The following THSD4 variants were observed in gnomAD, a reference collection of about 807,000 sequenced individuals.
The protein encoded by THSD4 is thrombospondin type 1 domain containing 4.
THSD4 carries 69 observed loss-of-function variants against 119.0 expected under a neutral mutation model. That is an observed-to-expected ratio of 0.58 (90% CI 0.48 to 0.71). The LOEUF (loss-of-function observed/expected upper bound fraction) is 0.71. THSD4 is among the 30% of genes least tolerant of loss of function. THSD4 has a pLI of 0.00. For synonymous variants in THSD4, 524 were observed against 540.4 expected, an observed-to-expected ratio of 0.97 and a Z score of 0.42; for missense variants, 1,393 against 1,391.1, an observed-to-expected ratio of 1.00 and a Z score of -0.02.
chr15:71,215,268 G>A lies in THSD4; in HGVS notation c.333G>A (p.Ser111=). 6.6e-7 allele frequency: 1 copy of A among 1,508,408 alleles called. No homozygotes were observed. Among genetic ancestry groups the A allele is most frequent in the Non-Finnish European group, 8.8e-7 (1 of 1,134,570 alleles). 93.4% of individuals were successfully genotyped at this position (1,508,408 alleles called of 1,614,324 possible). Residue 111 remains serine, a synonymous_variant, in exon 4 of 18, where the codon TCG becomes TCA. Transcript: ENST00000261862. The part of the protein sequence containing the change: ...ADHVVSAVRT[S]VPLHRSRDET... The stretch of plus-strand genomic sequence containing the variant: ...ACGTGGTGTCGGCGGTGCGCACGTC[G>A]GTGCCACTGCACCGGAGCCGCGACG...
intron 6 of THSD4, among the ~76,000 whole-genome samples, chr15:71,394,393 C>T (rs2046417668): frequency 6.6e-6 from 1 of 151,838 alleles, no homozygotes; most frequent in African/African-American, 2.4e-5. Flanking sequence ...CTGCCTCAGC[C>T]TCCTGAGTAG....
At chr15:71,719,617 A>G (rs2052674781) in intron 8 of THSD4, among the ~76,000 whole-genome samples, 1 of 152,220 alleles carries the variant, frequency 6.6e-6, no homozygotes, top group African/African-American at 2.4e-5. Context: ...AGTGTTTTAA[A>G]CTCATAAAAT....
chr15:71,327,634 A>AC (rs1159186720), intron 6 of THSD4, among the ~76,000 whole-genome samples: 1 of 149,606 alleles, frequency 6.7e-6, no homozygotes, highest in South Asian at 2.1e-4. Flanking sequence ...CCTTCTTGTC[A>AC]CCCCCCACCC....
chr15:71,476,481 A>T (rs530663398), intron 7 of THSD4, among the ~76,000 whole-genome samples: 2 of 152,104 alleles, frequency 1.3e-5, no homozygotes, highest in Non-Finnish European at 2.9e-5. Flanking sequence ...ACCTCAAGTG[A>T]TCCACCCACC....
intron 7 of THSD4, among the ~76,000 whole-genome samples, chr15:71,536,195 A>G (rs867497541): frequency 2.0e-5 from 3 of 152,334 alleles, no homozygotes; most frequent in South Asian, 4.1e-4. Flanking sequence ...CTAGACTGCC[A>G]TCAAGGTGTT....
chr15:71,245,535 A>G (rs1436148832), intron 5 of THSD4, among the ~76,000 whole-genome samples: 2 of 152,224 alleles, frequency 1.3e-5, no homozygotes, highest in Non-Finnish European at 2.9e-5. Context: ...AAATCACTAA[A>G]GGAAAGGCTC....
intron 14 of THSD4, among the ~76,000 whole-genome samples, chr15:71,752,386 T>C (rs1449306795): frequency 6.6e-6 from 1 of 152,254 alleles, no homozygotes; most frequent in Non-Finnish European, 1.5e-5. Context: ...AAATTATAAA[T>C]AGAGCAAAGA....
chr15:71,246,382 A>G (rs1186006202), intron 5 of THSD4, among the ~76,000 whole-genome samples: 1 of 152,188 alleles, frequency 6.6e-6, no homozygotes, highest in African/African-American at 2.4e-5. Context: ...TGAAATGATC[A>G]GACTTGCTCA....
chr15:71,656,410 G>C (rs2051194224), intron 7 of THSD4, among the ~76,000 whole-genome samples: 1 of 152,090 alleles, frequency 6.6e-6, no homozygotes, highest in Non-Finnish European at 1.5e-5. Flanking sequence ...TAATGCAACA[G>C]GAAGATGGGC....
At chr15:71,492,831 G>T (rs2047942729) in intron 7 of THSD4, among the ~76,000 whole-genome samples, 1 of 151,768 alleles carries the variant, frequency 6.6e-6, no homozygotes. Flanking sequence ...GAATCGATTT[G>T]CTTGTGGTGA....
intron 3 of THSD4, among the ~76,000 whole-genome samples, chr15:71,191,988 C>T (rs542009739): frequency 2.0e-5 from 3 of 151,896 alleles, no homozygotes; most frequent in African/African-American, 7.3e-5. Flanking sequence ...CTGCAACCTC[C>T]GCCTCCCAGG....
At chr15:71,743,716 C>T (rs755500367) in intron 11 of THSD4, among the ~76,000 whole-genome samples, 6 of 152,182 alleles carry the variant, frequency 3.9e-5, no homozygotes, top group African/African-American at 9.7e-5. Context: ...AACAAATGAT[C>T]GTTTCAGATT....
chr15:71,421,679 T>C (rs982714897), intron 7 of THSD4, among the ~76,000 whole-genome samples: 1 of 152,244 alleles, frequency 6.6e-6, no homozygotes, highest in Non-Finnish European at 1.5e-5. Context: ...TGGTCTTTTA[T>C]ACCCTTCTTG....
Position 71,339,909 on chromosome 15 carries a change from C to T in THSD4, c.1016-71778C>T, listed in dbSNP as rs140368138. 3.9e-3 allele frequency among the ~76,000 whole-genome samples: 595 copies of T among 152,100 alleles called. 2 individuals carry two copies. Among genetic ancestry groups the T allele is most frequent in the Non-Finnish European group, 6.4e-3 (436 of 67,984 alleles). On this transcript the variant is annotated intron_variant, in intron 6 of 17. Transcript: ENST00000261862. ...CCTCCCAAGTAGCTGAAATTACAGTCGCGTGCCACCATGCCCGGCTAATTT... is the reference window on the plus strand; with the variant it reads ...CCTCCCAAGTAGCTGAAATTACAGTTGCGTGCCACCATGCCCGGCTAATTT...
Position 71,721,508 on chromosome 15 carries a change from A to T in THSD4, c.1358-7041A>T, listed in dbSNP as rs1176634943. Among the ~76,000 whole-genome samples, 5 of 5,192 alleles carry T rather than the reference A, an allele frequency of 9.6e-4. 1 individual carries two copies. In the South Asian group the frequency reaches 0.62, roughly 649 times the overall value. 3.4% of individuals were successfully genotyped at this position (5,192 alleles called of 152,430 possible). ...AGTGACAGAGCGAGATTCTGTCTTA[A>T]AAAAAAAAAAAATTAGCTGGGTATG... is the stretch of plus-strand genomic sequence containing the variant. On this transcript the variant is annotated intron_variant, in intron 8 of 17. Coordinates refer to ENST00000261862, the MANE Select transcript of THSD4 (RefSeq NM_024817.3).
At chr15:71,407,677 A>G (rs575971764) in intron 6 of THSD4, among the ~76,000 whole-genome samples, 5 of 151,602 alleles carry the variant, frequency 3.3e-5, no homozygotes, top group South Asian at 2.1e-4. Context: ...GAGTACCTAT[A>G]TTTGGGGTTG....
intron 6 of THSD4, among the ~76,000 whole-genome samples, chr15:71,403,452 G>T (rs2046565417): frequency 6.6e-6 from 1 of 152,118 alleles, no homozygotes; most frequent in African/African-American, 2.4e-5. Flanking sequence ...CAGGGTGCTT[G>T]TATTATCTTT....
chr15:71,141,297 T>A (rs1159623491), intron 1 of THSD4, among the ~76,000 whole-genome samples, 152 bp from the exon 2 acceptor site: 4 of 152,244 alleles, frequency 2.6e-5, no homozygotes, highest in African/African-American at 9.6e-5. Context: ...TCATAAATAA[T>A]CAGATTTCAG....
intron 17 of THSD4, among the ~76,000 whole-genome samples, chr15:71,773,222 GAA>G (rs1232620677): frequency 6.1e-5 from 7 of 115,526 alleles, no homozygotes; most frequent in African/African-American, 3.3e-4. Flanking sequence ...AAAAGAAAAA[GAA>G]AAAAGAAAAG....
Sources: allele counts gnomAD v4.1 joint callset (sites outside exome capture counted in the v4.1 genomes callset), GRCh38; gene constraint gnomAD v4.1.1; transcripts MANE v1.5; gene names NCBI Gene and HGNC (gene_info 2026-07-23, HGNC 2026-07-21).